The following WWOX variants were observed in gnomAD, a reference collection of about 807,000 sequenced individuals.
WWOX encodes the protein WW domain containing oxidoreductase, also known as WW domain-containing oxidoreductase.
WWOX carries 69 observed loss-of-function variants against 46.2 expected under a neutral mutation model. The observed-to-expected ratio is 1.49, with a 90% CI of 1.23 to 1.82. WWOX has a LOEUF of 1.82. WWOX is among the 40% of genes most tolerant of loss of function. The probability of loss-of-function intolerance (pLI) is 0.00; values close to 1 mark genes in which losing one functional copy is unlikely to be tolerated. For missense variants in WWOX, 919 were observed against 542.6 expected, an observed-to-expected ratio of 1.69 and a Z score of -6.89; for synonymous variants, 359 against 202.6, an observed-to-expected ratio of 1.77 and a Z score of -6.56.
intron 4 of WWOX, among the ~76,000 whole-genome samples, chr16:78,162,247 A>AT (rs921818498): frequency 1.6e-4 from 25 of 152,046 alleles, no homozygotes; most frequent in African/African-American, 4.3e-4. Context: ...TGAAAGTTTT[A>AT]TTTTTTTTCA....
At chr16:78,211,084 T>C (rs183017505) in intron 5 of WWOX, among the ~76,000 whole-genome samples, 1 of 152,342 alleles carries the variant, frequency 6.6e-6, no homozygotes, top group Non-Finnish European at 1.5e-5. Context: ...TGATTAAAGA[T>C]ACTTCAGATA....
At chr16:78,960,263 C>T (rs144664181) in intron 8 of WWOX, among the ~76,000 whole-genome samples, 3 of 152,190 alleles carry the variant, frequency 2.0e-5, no homozygotes, top group African/African-American at 7.2e-5. Flanking sequence ...CTCCCCACCT[C>T]CAGCTATGAA....
intron 6 of WWOX, among the ~76,000 whole-genome samples, chr16:78,393,699 A>G (rs542756453): frequency 6.6e-6 from 1 of 152,278 alleles, no homozygotes; most frequent in African/African-American, 2.4e-5. Flanking sequence ...TATTAAAATA[A>G]TTACCCAAGT....
chr16:78,429,891 C>A (rs796732148), intron 7 of WWOX, among the ~76,000 whole-genome samples: 43 of 152,170 alleles, frequency 2.8e-4, no homozygotes, highest in African/African-American at 1.0e-3. Context: ...TGTATGTATC[C>A]GTGGATGAAT....
At position 78,874,637 on chromosome 16, in the gene WWOX, A is replaced by C. The variant is rs190186044; in HGVS notation, c.1057-336971A>C. Among the ~76,000 whole-genome samples the C allele has an allele frequency of 1.6e-4, 24 of 152,072 alleles. 1 individual carries two copies. The East Asian group carries it at 4.4e-3, about 28-fold the overall frequency. On this transcript the variant is annotated intron_variant, in intron 8 of 8. Transcript: ENST00000566780. ...GACATGTTGGCAATGGGTAGTGGAC[A>C]AAAATTGAAACACCTTCAACTGTGT...
intron 8 of WWOX, among the ~76,000 whole-genome samples, chr16:78,790,478 C>T (rs572856842): frequency 1.3e-5 from 2 of 152,102 alleles, no homozygotes; most frequent in South Asian, 2.1e-4. Context: ...CTTAAATCTC[C>T]TCTAGAAAAG....
intron 8 of WWOX, among the ~76,000 whole-genome samples, chr16:78,773,466 A>T (rs750899126): frequency 2.6e-5 from 4 of 152,182 alleles, no homozygotes; most frequent in Admixed American, 2.6e-4. Flanking sequence ...ATTTAAAACA[A>T]TGAGGCGGGC....
chr16:78,665,432 C>T (rs577772342), intron 8 of WWOX, among the ~76,000 whole-genome samples: 149 of 152,220 alleles, frequency 9.8e-4, no homozygotes, highest in African/African-American at 3.4e-3. Context: ...CCCTCTCCAT[C>T]TGGGCACATG....
intron 4 of WWOX, among the ~76,000 whole-genome samples, chr16:78,146,602 C>T (rs927695647): frequency 5.9e-5 from 9 of 152,186 alleles, no homozygotes; most frequent in Non-Finnish European, 1.3e-4. Context: ...ACCCGTCCCT[C>T]ATCATGGTAT....
rs996250408 is a variant in WWOX, at chr16:78,740,748, C to G, written c.1056+307996C>G. On this transcript the variant is annotated intron_variant, in intron 8 of 8. Coordinates refer to ENST00000566780, the MANE Select transcript of WWOX (RefSeq NM_016373.4). ...AGCATTCAATTTGACACACCAAATG[C>G]AGGTCCACCCTGGTGGATATCTTGG... Among the ~76,000 whole-genome samples, 8 of 152,112 alleles carry G rather than the reference C, an allele frequency of 5.3e-5. No homozygotes were observed. The South Asian group carries it at 6.2e-4, about 12-fold the overall frequency.
chr16:79,026,153 T>C (rs2047636908), intron 8 of WWOX, among the ~76,000 whole-genome samples: 1 of 151,652 alleles, frequency 6.6e-6, no homozygotes, highest in Admixed American at 6.6e-5. Context: ...TCCACTCGCT[T>C]CTTTAAGTTT....
At chr16:78,789,863 C>T (rs2050550028) in intron 8 of WWOX, among the ~76,000 whole-genome samples, 1 of 152,144 alleles carries the variant, frequency 6.6e-6, no homozygotes, top group South Asian at 2.1e-4. Context: ...CATATGGCAG[C>T]ATGGTTAGGA....
chr16:78,756,765 C>T (rs1175070630), intron 8 of WWOX, among the ~76,000 whole-genome samples: 2 of 152,134 alleles, frequency 1.3e-5, no homozygotes, highest in Non-Finnish European at 2.9e-5. Context: ...GGAATGTGGC[C>T]TCTGGTGATT....
chr16:78,703,394 T>A (rs1312039304), intron 8 of WWOX, among the ~76,000 whole-genome samples: 1 of 152,048 alleles, frequency 6.6e-6, no homozygotes, highest in Non-Finnish European at 1.5e-5. Flanking sequence ...GGTGGGAGGA[T>A]TGCATGAGCT....
intron 8 of WWOX, among the ~76,000 whole-genome samples, chr16:79,050,667 A>G (rs1419267412): frequency 6.6e-6 from 1 of 152,164 alleles, no homozygotes; most frequent in African/African-American, 2.4e-5. Context: ...TAAGAACAGG[A>G]GTGACATGAC....
At chr16:78,935,757 A>G (rs565371971) in intron 8 of WWOX, among the ~76,000 whole-genome samples, 16 of 152,122 alleles carry the variant, frequency 1.1e-4, no homozygotes, top group African/African-American at 3.1e-4. Context: ...AAGTATAAAA[A>G]AAAAAATTAG....
At chr16:78,227,791 C>T (rs1390834823) in intron 5 of WWOX, among the ~76,000 whole-genome samples, 3 of 152,074 alleles carry the variant, frequency 2.0e-5, no homozygotes, top group South Asian at 2.1e-4. Context: ...GCAGGAGAAT[C>T]GCTTGAACTC....
chr16:78,888,976 C>A (rs554414636), intron 8 of WWOX, among the ~76,000 whole-genome samples: 13 of 152,160 alleles, frequency 8.5e-5, no homozygotes, highest in African/African-American at 2.9e-4. Context: ...AGAAAGCTTC[C>A]CTGGTCAGTC....
At chr16:78,543,491 G>C (rs948263508) in intron 8 of WWOX, among the ~76,000 whole-genome samples, 3 of 152,210 alleles carry the variant, frequency 2.0e-5, no homozygotes, top group Non-Finnish European at 4.4e-5. Flanking sequence ...CTTGGTCATT[G>C]CAGCTTCCAC....
Sources: gnomAD v4.1 joint callset for allele counts (sites outside exome capture counted in the v4.1 genomes callset) on GRCh38, gnomAD v4.1.1 for gene constraint, MANE v1.5 for transcripts, NCBI Gene and HGNC (gene_info 2026-07-23, HGNC 2026-07-21) for gene names.